PCDHA5: variants seen among roughly 807,000 people sequenced by gnomAD.
PCDHA5 encodes protocadherin alpha-5.
In PCDHA5, 43 loss-of-function variants were observed where a neutral mutation model predicts 61.6. That is an observed-to-expected ratio of 0.70 (90% CI 0.55 to 0.90). The LOEUF (loss-of-function observed/expected upper bound fraction) is 0.90, where lower values mean the gene tolerates loss of function less well. Ranked by LOEUF, PCDHA5 falls within the 40% of genes least tolerant of loss-of-function variation. PCDHA5 has a pLI of 0.00. For synonymous variants in PCDHA5, 627 were observed against 543.9 expected, an observed-to-expected ratio of 1.15 and a Z score of -2.13; for missense variants, 1,298 against 1,222.7, an observed-to-expected ratio of 1.06 and a Z score of -0.92.
intron 1 of PCDHA5, among the ~76,000 whole-genome samples, chr5:140,895,943 TG>T (rs1176755658): frequency 6.6e-6 from 1 of 152,148 alleles, no homozygotes; most frequent in Non-Finnish European, 1.5e-5. Flanking sequence ...CCCGAGTAGC[TG>T]GGATTACAGG....
At chr5:140,970,884 A>G (rs1013057138) in intron 1 of PCDHA5, among the ~76,000 whole-genome samples, 1 of 152,218 alleles carries the variant, frequency 6.6e-6, no homozygotes, top group Admixed American at 6.5e-5. Context: ...GATTTTTCTC[A>G]TGGACATTTC....
chr5:140,831,514 C>A (rs2150195382), intron 1 of PCDHA5, among the ~76,000 whole-genome samples: 1,950 of 132,850 alleles, frequency 0.015, 29 homozygotes, highest in African/African-American at 0.055. Flanking sequence ...CCACCATGCC[C>A]CCCACCTTTT....
At position 140,829,573 on chromosome 5, in the gene PCDHA5, G is replaced by T. The variant is rs149144253; in HGVS notation, c.2352+5446G>T. The T allele has an allele frequency of 5.4e-4, 868 of 1,612,504 alleles. 2 individuals carry two copies. The highest frequency in any genetic ancestry group is 3.7e-3 in the African/African-American group (279 of 75,014). The stretch of plus-strand genomic sequence containing the variant: ...AGAACGCGCTGGTGTCCTACTCGCT[G>T]GTGGAGCGGCGGGTGGGCGAGCGCG... On this transcript the variant is annotated intron_variant, in intron 1 of 3. Coordinates refer to ENST00000529859, the MANE Select transcript of PCDHA5 (RefSeq NM_018908.3).
intron 1 of PCDHA5, chr5:140,859,976 T>C (rs2046117770): frequency 6.6e-6 from 1 of 151,980 alleles, no homozygotes; most frequent in African/African-American, 2.4e-5. Context: ...GGTATACAAG[T>C]GCATTAATCT....
rs148357054 is a variant in PCDHA5, at chr5:140,862,194, A to G, written c.2352+38067A>G. On this transcript the variant is annotated intron_variant, in intron 1 of 3. Coordinates refer to ENST00000529859, the MANE Select transcript of PCDHA5 (RefSeq NM_018908.3). ...GGCAGTTGACACAGGCAATTCCCCA[A>G]TGTTTGATCACTGCACAGACTTGAT... The G allele has an allele frequency of 5.4e-3, 909 of 167,816 alleles. 8 individuals are homozygous for G. The highest frequency in any genetic ancestry group is 8.4e-3 in the South Asian group (55 of 6,516). The allele number at this position is 167,816 out of a possible 1,614,324, so 10.4% of individuals were successfully genotyped here.
chr5:140,834,911 G>A (rs2150228953), intron 1 of PCDHA5: 44 of 1,595,108 alleles, frequency 2.8e-5, no homozygotes, highest in Non-Finnish European at 4.3e-6. Context: ...GCCCCAATGA[G>A]TATTTCTTCC....
intron 1 of PCDHA5, among the ~76,000 whole-genome samples, chr5:140,911,947 G>A (rs559007219): frequency 1.4e-4 from 22 of 152,262 alleles, no homozygotes; most frequent in Non-Finnish European, 2.5e-4. Context: ...TATATATAAA[G>A]GGGAGGTTAC....
At chr5:140,959,712 T>G (rs166567) in intron 1 of PCDHA5, among the ~76,000 whole-genome samples, 1 of 152,020 alleles carries the variant, frequency 6.6e-6, no homozygotes, top group African/African-American at 2.4e-5. Flanking sequence ...AAAGGGAAAA[T>G]TTTTAGATAA....
At chr5:140,968,659 C>A (rs781863651) in intron 1 of PCDHA5, 6 of 1,614,160 alleles carry the variant, frequency 3.7e-6, no homozygotes, top group East Asian at 2.2e-5. Context: ...CTGACCTGGA[C>A]CTCTTTAAGG....
rs548394870 is a variant in PCDHA5 at position 140,927,042 on chromosome 5, G to A, written c.2353-51907G>A. ...ACTTGAGGCTGCCAGCGGCCGCTATGTCCTCGCGGAACTTTCGCTTCCTTT... is the reference window on the plus strand; with the variant it reads ...ACTTGAGGCTGCCAGCGGCCGCTATATCCTCGCGGAACTTTCGCTTCCTTT... On this transcript the variant is annotated intron_variant, in intron 1 of 3. Transcript: ENST00000529859. The A allele has an allele frequency of 1.4e-4, 226 of 1,612,386 alleles. 8 individuals are homozygous for A. The South Asian group carries it at 2.4e-3, about 17-fold the overall frequency.
chr5:140,863,124 C>T (rs1554157805), intron 1 of PCDHA5: 1 of 594,982 alleles, frequency 1.7e-6, no homozygotes, highest in Non-Finnish European at 3.3e-6. Flanking sequence ...AAGCTACGCG[C>T]CACCGCCTGC....
At chr5:140,856,471 A>G (rs782438318) in intron 1 of PCDHA5, 6 of 1,597,856 alleles carry the variant, frequency 3.8e-6, no homozygotes, top group South Asian at 2.2e-5. Flanking sequence ...AGCTCTCAAT[A>G]CCTGAATCCA....
rs1237282908 is a variant in PCDHA5, at chr5:140,877,400, C to T, written c.2352+53273C>T. ...CGCATCCTGGATGAGGCGGACGCTC[C>T]GCGCCACCGCCTGCTGGTGCTGGTG... On this transcript the variant is annotated intron_variant, in intron 1 of 3. Coordinates refer to ENST00000529859, the MANE Select transcript of PCDHA5 (RefSeq NM_018908.3). The T allele has an allele frequency of 7.4e-6, 12 of 1,613,804 alleles. No homozygotes were observed. The Admixed American group carries it at 1.8e-4, about 25-fold the overall frequency.
At chr5:140,828,675 T>C in intron 1 of PCDHA5, 13 of 1,614,212 alleles carry the variant, frequency 8.1e-6, no homozygotes, top group Non-Finnish European at 9.3e-6. Flanking sequence ...ATTGGGCTCT[T>C]ATTAAAGAAA....
chr5:140,969,228 G>C, intron 1 of PCDHA5: 1 of 1,614,176 alleles, frequency 6.2e-7, no homozygotes, highest in Non-Finnish European at 8.5e-7. Flanking sequence ...GGGCCTTCGG[G>C]AGCCCAAGCA....
chr5:140,878,145 A>G (rs1331184448), intron 1 of PCDHA5: 4 of 183,786 alleles, frequency 2.2e-5, no homozygotes, highest in African/African-American at 9.5e-5. Flanking sequence ...CAGATGTTTG[A>G]TAACTTAAAA....
chr5:140,889,518 ATAT>A (rs2062258374), intron 1 of PCDHA5, among the ~76,000 whole-genome samples: 1 of 151,708 alleles, frequency 6.6e-6, no homozygotes, highest in South Asian at 2.1e-4. Flanking sequence ...TCCATTCTTG[ATAT>A]TATTTTTGCT....
In PCDHA5 at chr5:140,843,348, C is replaced by T; in HGVS notation, c.2352+19221C>T. The T allele has an allele frequency of 1.9e-6, 3 of 1,596,106 alleles. No homozygotes were observed. The South Asian group carries it at 3.3e-5, about 18-fold the overall frequency. On this transcript the variant is annotated intron_variant, in intron 1 of 3. Transcript: ENST00000529859. ...TCGCTGGTGGAGAGCGGCCAGGCTC[C>T]AAAAGCGTCATCGAGGCAGTCGGCT...
chr5:140,850,931 T>C, intron 1 of PCDHA5: 1 of 1,516,410 alleles, frequency 6.6e-7, no homozygotes, highest in Non-Finnish European at 8.9e-7. Flanking sequence ...TAATTTTTTT[T>C]CTTGAAAGAT....
Sources: allele counts gnomAD v4.1 joint callset (sites outside exome capture counted in the v4.1 genomes callset), GRCh38; gene constraint gnomAD v4.1.1; transcripts MANE v1.5; gene names NCBI Gene and HGNC (gene_info 2026-07-23, HGNC 2026-07-21).